Variants in ZNF888 observed in about 807,000 individuals in gnomAD.
ZNF888 encodes the protein zinc finger protein 888.
ZNF888 carries 5 observed loss-of-function variants against 7.2 expected under a neutral mutation model. That is an observed-to-expected ratio of 0.70 (90% CI 0.36 to 1.46). The LOEUF (loss-of-function observed/expected upper bound fraction) is 1.46. Among genes scored for constraint, ZNF888 ranks in the 40% most tolerant of loss-of-function variants. ZNF888 has a pLI of 0.03. For missense variants in ZNF888, 716 were observed against 858.0 expected, an observed-to-expected ratio of 0.83 and a Z score of 2.07; for synonymous variants, 240 against 284.3, an observed-to-expected ratio of 0.84 and a Z score of 1.57.
intron 2 of ZNF888, 198 bp from the exon 3 acceptor site, chr19:52,918,129 C>T (rs113543192): frequency 1.8e-5 from 25 of 1,382,898 alleles, no homozygotes; most frequent in South Asian, 3.2e-5. Context: ...CCCACACACA[C>T]GCTGCAGCAG....
chr19:52,916,789 T>C (rs879477186), intron 3 of ZNF888, among the ~76,000 whole-genome samples: 33 of 151,796 alleles, frequency 2.2e-4, no homozygotes, highest in Admixed American at 4.6e-4. Flanking sequence ...GAGGAAGCAA[T>C]CACCCTTTCA....
At position 52,907,582 on chromosome 19, in the gene ZNF888, C is replaced by T; in HGVS notation, c.740G>A (p.Cys247Tyr). Reference protein sequence around the residue: ...LGEKQYKCDVCGKDFNQKRYL... With the variant: ...LGEKQYKCDVYGKDFNQKRYL... Reference sequence around the variant, plus strand: ...TCGCTTCTGATTAAAGTCTTTGCCACATACATCACATTTATATTGTTTCTC... The same window carrying T: ...TCGCTTCTGATTAAAGTCTTTGCCATATACATCACATTTATATTGTTTCTC... The change falls in exon 5 of 5, where the codon TGT (cysteine) becomes TAT (tyrosine). Residue 247 changes from cysteine (C) to tyrosine (Y), a missense_variant. This residue lies in a region of ZNF888 where 697 missense variants were observed against 803.4 expected (regional missense o/e 0.87). Coordinates refer to ENST00000638862, the MANE Select transcript of ZNF888 (RefSeq NM_001393938.1). The T allele has an allele frequency of 1.2e-6, 2 of 1,607,520 alleles. No homozygotes were observed. Among genetic ancestry groups the T allele is most frequent in the African/African-American group, 1.3e-5 (1 of 74,768 alleles).
intron 1 of ZNF888, among the ~76,000 whole-genome samples, chr19:52,922,088 G>C (rs181921915): frequency 2.0e-5 from 3 of 152,264 alleles, no homozygotes; most frequent in Admixed American, 2.0e-4. Context: ...GTCGAGGCAG[G>C]TGGATCACCT....
intron 2 of ZNF888, chr19:52,918,299 G>T (rs1159864519): frequency 1.7e-6 from 1 of 603,180 alleles, no homozygotes; most frequent in Non-Finnish European, 2.1e-6. Context: ...AGACCAGCCT[G>T]GGCAACATGG....
At position 52,907,105 on chromosome 19, in the gene ZNF888, CTA is replaced by C; in HGVS notation, c.1215_1216del (p.Lys408ThrfsTer5). 6.2e-7 allele frequency: 1 copy of C among 1,612,392 alleles called. No homozygotes were observed. The highest frequency in any genetic ancestry group is 2.2e-5 in the East Asian group (1 of 44,752). ...CTCATTACACTTGTAAGGTTTCTCT[CTA>C]GTGTGAATTACAATATGCTGTGCCA... On this transcript the variant is annotated frameshift_variant, in exon 5 of 5. Transcript: ENST00000638862. LOFTEE classifies it low-confidence loss of function (END_TRUNC).
chr19:52,921,329 A>G (rs922033749), intron 1 of ZNF888, among the ~76,000 whole-genome samples: 1 of 152,222 alleles, frequency 6.6e-6, no homozygotes, highest in Non-Finnish European at 1.5e-5. Flanking sequence ...TGGGGAACAC[A>G]GGAAGCCAGT....
At chr19:52,912,652 C>A (rs1235031893) in intron 4 of ZNF888, among the ~76,000 whole-genome samples, 1 of 151,616 alleles carries the variant, frequency 6.6e-6, no homozygotes. Flanking sequence ...ATCGCTTGAA[C>A]CTGGGAGGTG....
At chr19:52,916,922 A>C (rs1433574056) in intron 3 of ZNF888, among the ~76,000 whole-genome samples, 1 of 152,040 alleles carries the variant, frequency 6.6e-6, no homozygotes, top group Non-Finnish European at 1.5e-5. Flanking sequence ...AGAAACAAAC[A>C]ACAGAAATAA....
At chr19:52,911,259 C>T (rs535913485) in intron 4 of ZNF888, among the ~76,000 whole-genome samples, 2 of 152,258 alleles carry the variant, frequency 1.3e-5, no homozygotes, top group African/African-American at 2.4e-5. Flanking sequence ...GCAATCTGCC[C>T]ACCTTGGTCT....
At chr19:52,911,125 C>T (rs1480032958) in intron 4 of ZNF888, among the ~76,000 whole-genome samples, 5 of 152,094 alleles carry the variant, frequency 3.3e-5, no homozygotes, top group African/African-American at 4.8e-5. Flanking sequence ...GTGATTGGCC[C>T]GTCTCAGCCT....
chr19:52,908,283 C>A, intron 4 of ZNF888, 104 bp from the exon 5 acceptor site: 2 of 1,120,320 alleles, frequency 1.8e-6, no homozygotes, highest in East Asian at 2.5e-5. Flanking sequence ...TTAAACATCT[C>A]AAACATGAGC....
intron 1 of ZNF888, among the ~76,000 whole-genome samples, chr19:52,919,556 T>C (rs1419219270): frequency 2.8e-5 from 2 of 71,806 alleles, no homozygotes; most frequent in South Asian, 4.2e-4. Flanking sequence ...AGTGCCGAGA[T>C]TGCAGGCTCT....
rs1484354477 is a variant in ZNF888 at position 52,920,224 on chromosome 19, A to G, written c.-177-1287T>C. Among the ~76,000 whole-genome samples, 18 of 63,932 alleles carry G rather than the reference A, an allele frequency of 2.8e-4. 7 individuals are homozygous for G. Among genetic ancestry groups the G allele is most frequent in the Non-Finnish European group, 4.4e-4 (12 of 27,278 alleles). The allele number at this position is 63,932 out of a possible 152,430, so 41.9% of individuals were successfully genotyped here. A position where few individuals can be genotyped will look rare whatever the true frequency, so the allele number is the denominator to read the frequency against. On this transcript the variant is annotated intron_variant, in intron 1 of 4. Transcript: ENST00000638862. Reference sequence around the variant, plus strand: ...CTCATTGGGGATGGGCCATGATGACAATGGAGGTTTTGTGGAATAGAAAGG... The same window carrying G: ...CTCATTGGGGATGGGCCATGATGACGATGGAGGTTTTGTGGAATAGAAAGG...
intron 4 of ZNF888, among the ~76,000 whole-genome samples, chr19:52,911,134 C>T (rs1427906696): frequency 1.3e-5 from 2 of 152,120 alleles, no homozygotes; most frequent in African/African-American, 2.4e-5. Context: ...CCGTCTCAGC[C>T]TCCCAAAGTG....
chr19:52,911,758 C>T (rs1171431435), intron 4 of ZNF888, among the ~76,000 whole-genome samples: 1 of 152,180 alleles, frequency 6.6e-6, no homozygotes. Context: ...AGAGCCTGTG[C>T]TGTAAGACTT....
chr19:52,912,491 T>G (rs564745619), intron 4 of ZNF888, among the ~76,000 whole-genome samples: 26 of 144,664 alleles, frequency 1.8e-4, no homozygotes, highest in Non-Finnish European at 3.5e-4. Context: ...TTTGGGAGGC[T>G]GAGGTGGGAG....
In ZNF888 at chr19:52,905,909, A is replaced by C. The variant is rs2064601777; in HGVS notation, c.*256T>G. 1.3e-6 allele frequency: 1 copy of C among 792,018 alleles called. No individual in the cohort carries two copies. The highest frequency in any genetic ancestry group is 2.3e-6 in the Non-Finnish European group (1 of 444,234). The allele number at this position is 792,018 out of a possible 1,614,324, so 49.1% of individuals were successfully genotyped here. A position where few individuals can be genotyped will look rare whatever the true frequency, so the allele number is the denominator to read the frequency against. ...TGAAGTAAAGGCTTTGCTCACAATCATCACACTTGTGAGGTTTCTCTCCTG... is the reference window on the plus strand; with the variant it reads ...TGAAGTAAAGGCTTTGCTCACAATCCTCACACTTGTGAGGTTTCTCTCCTG... On this transcript the variant is annotated 3_prime_UTR_variant, in exon 5 of 5. Coordinates refer to ENST00000638862, the MANE Select transcript of ZNF888 (RefSeq NM_001393938.1).
At position 52,905,738 on chromosome 19, in the gene ZNF888, T is replaced by C. The variant is rs1338705666; in HGVS notation, c.*427A>G. 4.0e-6 allele frequency: 2 copies of C among 505,178 alleles called. No individual in the cohort carries two copies. The highest frequency in any genetic ancestry group is 3.7e-5 in the African/African-American group (2 of 53,614). The allele number at this position is 505,178 out of a possible 1,614,324, so 31.3% of individuals were successfully genotyped here. A position where few individuals can be genotyped will look rare whatever the true frequency, so the allele number is the denominator to read the frequency against. On this transcript the variant is annotated 3_prime_UTR_variant, in exon 5 of 5. Transcript: ENST00000638862. ...ATTAATGCTTGATGGTTTGCTATAC[T>C]CATTGCATTCGGAACTATTATCTCA...
At chr19:52,911,627 C>G (rs557942967) in intron 4 of ZNF888, among the ~76,000 whole-genome samples, 2 of 151,342 alleles carry the variant, frequency 1.3e-5, no homozygotes, top group Middle Eastern at 6.9e-3. Flanking sequence ...CGTGAGCCAC[C>G]GTGCCCAGCA....
Sources: allele counts gnomAD v4.1 joint callset (sites outside exome capture counted in the v4.1 genomes callset), GRCh38; gene constraint gnomAD v4.1.1; regional missense constraint gnomAD v4.1.1; transcripts MANE v1.5; gene names NCBI Gene and HGNC (gene_info 2026-07-23, HGNC 2026-07-21).